TMEM114: variants seen among roughly 807,000 people sequenced by gnomAD.
TMEM114 encodes the protein transmembrane protein 114, also known as claudin-26.
In TMEM114, 6 loss-of-function variants were observed where a neutral mutation model predicts 6.2. The observed-to-expected ratio is 0.97, with a 90% confidence interval of 0.53 to 1.91. TMEM114 has a LOEUF of 1.91. TMEM114 is among the 40% of genes most tolerant of loss of function. The probability of loss-of-function intolerance (pLI) is 0.01; values close to 1 mark genes in which losing one functional copy is unlikely to be tolerated. For synonymous variants in TMEM114, 104 were observed against 73.0 expected (o/e 1.42, Z -2.16); for missense variants, 218 against 158.3 (o/e 1.38, Z -2.02).
intron 2 of TMEM114, among the ~76,000 whole-genome samples, chr16:8,543,803 A>G (rs1480712565): frequency 6.6e-6 from 1 of 152,234 alleles, no homozygotes; most frequent in Non-Finnish European, 1.5e-5. Flanking sequence ...AGGATAGAAA[A>G]TGTGCTGAAA....
chr16:8,533,789 T>A (rs1900282156), downstream of TMEM114, among the ~76,000 whole-genome samples: 1 of 152,162 alleles, frequency 6.6e-6, no homozygotes, highest in Non-Finnish European at 1.5e-5. Flanking sequence ...AAATCACACA[T>A]CTCTTTCAGC....
chr16:8,585,437 A>G (rs1596315235), intron 2 of TMEM114, among the ~76,000 whole-genome samples: 1 of 152,018 alleles, frequency 6.6e-6, no homozygotes, highest in Admixed American at 6.6e-5. Flanking sequence ...GTTTCTTCCC[A>G]TACACCCCCA....
At chr16:8,547,616 C>T (rs1270691839) in intron 2 of TMEM114, among the ~76,000 whole-genome samples, 2 of 152,160 alleles carry the variant, frequency 1.3e-5, no homozygotes, top group Non-Finnish European at 2.9e-5. Context: ...TGGTCTTGAA[C>T]TCCTGACCTT....
At chr16:8,541,990 C>T (rs1900528299) in intron 2 of TMEM114, among the ~76,000 whole-genome samples, 1 of 152,172 alleles carries the variant, frequency 6.6e-6, no homozygotes, top group Non-Finnish European at 1.5e-5. Flanking sequence ...AAGGGATCCA[C>T]CACCCTGCGA....
At position 8,570,636 on chromosome 16, in the gene TMEM114, C is replaced by T. The variant is rs143932294; in HGVS notation, c.440-631G>A. ...CATGTTTGTGTAATTATTTAACTAA[C>T]ATCTGTCTCCCCCAGTGGCCTGTGA... is the stretch of plus-strand genomic sequence containing the variant. On this transcript the variant is annotated intron_variant, in intron 3 of 3. Transcript: ENST00000620492. 3.3e-3 allele frequency among the ~76,000 whole-genome samples: 509 copies of T among 152,270 alleles called. 4 individuals carry two copies. Among genetic ancestry groups the T allele is most frequent in the African/African-American group, 0.012 (497 of 41,548 alleles).
the TMEM114 span, among the ~76,000 whole-genome samples, chr16:8,529,937 C>G: frequency 6.6e-6 from 1 of 152,138 alleles, no homozygotes; most frequent in African/African-American, 2.4e-5. Flanking sequence ...CTGAAATTCT[C>G]TAAGTGATGG....
At chr16:8,531,646 T>A in the TMEM114 span, among the ~76,000 whole-genome samples, 1 of 152,234 alleles carries the variant, frequency 6.6e-6, no homozygotes, top group Non-Finnish European at 1.5e-5. Flanking sequence ...GTGTGATTTT[T>A]GGTGAACTCA....
intron 2 of TMEM114, among the ~76,000 whole-genome samples, chr16:8,542,804 C>T (rs918704843): frequency 6.6e-6 from 1 of 152,092 alleles, no homozygotes; most frequent in Admixed American, 6.6e-5. Context: ...TCTCAACTCC[C>T]CAATCCTCCC....
At chr16:8,581,077 A>G (rs1423706610) in intron 2 of TMEM114, among the ~76,000 whole-genome samples, 4 of 152,212 alleles carry the variant, frequency 2.6e-5, no homozygotes, top group African/African-American at 9.7e-5. Context: ...ATATTTGTCT[A>G]TCTTAATGGC....
intron 2 of TMEM114, among the ~76,000 whole-genome samples, chr16:8,538,795 C>T (rs757064993): frequency 3.6e-4 from 54 of 152,104 alleles, no homozygotes; most frequent in Admixed American, 7.2e-4. Flanking sequence ...TGTGAGCCAC[C>T]GCGCCCGCCC....
chr16:8,588,777 A>G (rs1287138479), intron 2 of TMEM114, among the ~76,000 whole-genome samples: 1 of 152,148 alleles, frequency 6.6e-6, no homozygotes, highest in Admixed American at 6.5e-5. Context: ...AATACAAACA[A>G]CGCTGGCATG....
intron 2 of TMEM114, among the ~76,000 whole-genome samples, chr16:8,553,266 T>G (rs1207371529): frequency 6.6e-6 from 1 of 152,176 alleles, no homozygotes; most frequent in Non-Finnish European, 1.5e-5. Flanking sequence ...TTCTTTCATA[T>G]CACTTTGAAA....
intron 2 of TMEM114, among the ~76,000 whole-genome samples, chr16:8,539,262 G>A (rs1346692758): frequency 6.6e-6 from 1 of 152,210 alleles, no homozygotes; most frequent in African/African-American, 2.4e-5. Context: ...TTGAATTCCA[G>A]GATGTGATCT....
downstream of TMEM114, among the ~76,000 whole-genome samples, chr16:8,568,630 C>T (rs946486450): frequency 6.6e-6 from 1 of 152,332 alleles, no homozygotes; most frequent in Non-Finnish European, 1.5e-5. Flanking sequence ...GTGTTGTCAT[C>T]TTTTAATCCA....
chr16:8,533,783 C>T (rs544714582), downstream of TMEM114, among the ~76,000 whole-genome samples: 11 of 152,322 alleles, frequency 7.2e-5, 1 homozygote, highest in South Asian at 2.1e-3. Context: ...TACCGAAAAT[C>T]ACACATCTCT....
In TMEM114 at chr16:8,569,711, G is replaced by T; in HGVS notation, c.*62C>A. The T allele has an allele frequency of 1.3e-6, 2 of 1,487,882 alleles. No homozygotes were observed. The highest frequency in any genetic ancestry group is 4.6e-5 in the Admixed American group (2 of 43,358). The allele number at this position is 1,487,882 out of a possible 1,614,324, so 92.2% of individuals were successfully genotyped here. A position where few individuals can be genotyped will look rare whatever the true frequency, so the allele number is the denominator to read the frequency against. On this transcript the variant is annotated 3_prime_UTR_variant, in exon 4 of 4. Coordinates refer to ENST00000620492, the MANE Select transcript of TMEM114 (RefSeq NM_001146336.2). ...GGAAGAAGAGGCCGCAGCCGATGGAGATCGGTCGGTGAAGCTCCGGGGCCA... is the reference window on the plus strand; with the variant it reads ...GGAAGAAGAGGCCGCAGCCGATGGATATCGGTCGGTGAAGCTCCGGGGCCA...
downstream of TMEM114, among the ~76,000 whole-genome samples, chr16:8,567,060 C>A (rs529143804): frequency 1.1e-5 from 1 of 94,834 alleles, no homozygotes; most frequent in Non-Finnish European, 2.2e-5. Context: ...GTTACCACAG[C>A]TGGCTATTTT....
chr16:8,554,320 C>T (rs1306483034), intron 2 of TMEM114, among the ~76,000 whole-genome samples: 2 of 151,994 alleles, frequency 1.3e-5, no homozygotes, highest in Non-Finnish European at 2.9e-5. Flanking sequence ...CTTTGGGAGG[C>T]CAAGGCAGGA....
intron 2 of TMEM114, among the ~76,000 whole-genome samples, chr16:8,554,571 G>A (rs573990298): frequency 2.0e-5 from 3 of 152,118 alleles, no homozygotes; most frequent in Non-Finnish European, 4.4e-5. Context: ...GGTTGGCTCT[G>A]CTTCTCTTTC....
Sources: allele counts gnomAD v4.1 joint callset (sites outside exome capture counted in the v4.1 genomes callset), GRCh38; gene constraint gnomAD v4.1.1; transcripts MANE v1.5; gene names NCBI Gene and HGNC (gene_info 2026-07-23, HGNC 2026-07-21).